PRKAG2: variants seen among roughly 807,000 people sequenced by gnomAD.
The protein encoded by PRKAG2 is protein kinase AMP-activated non-catalytic subunit gamma 2.
PRKAG2 carries 26 observed loss-of-function variants against 69.6 expected under a neutral mutation model. That is an observed-to-expected ratio of 0.37 (90% CI 0.27 to 0.52). The LOEUF (loss-of-function observed/expected upper bound fraction) is 0.52, where lower values mean the gene tolerates loss of function less well. Among genes scored for constraint, PRKAG2 ranks in the 20% least tolerant of loss-of-function variants. The probability of loss-of-function intolerance (pLI) is 0.90; values close to 1 mark genes in which losing one functional copy is unlikely to be tolerated. For synonymous variants in PRKAG2, 293 were observed against 285.0 expected, an observed-to-expected ratio of 1.03 and a Z score of -0.28; for missense variants, 557 against 740.0, an observed-to-expected ratio of 0.75 and a Z score of 2.87.
chr7:151,647,472 T>A (rs545014753), intron 4 of PRKAG2, among the ~76,000 whole-genome samples: 27 of 152,300 alleles, frequency 1.8e-4, no homozygotes, highest in Non-Finnish European at 2.9e-4. Context: ...GTAATTTAAA[T>A]AATAAAAAGC....
At chr7:151,725,423 G>A (rs1360722473) in intron 3 of PRKAG2, among the ~76,000 whole-genome samples, 1 of 152,084 alleles carries the variant, frequency 6.6e-6, no homozygotes, top group Non-Finnish European at 1.5e-5. Flanking sequence ...CAGAGTTTAA[G>A]TGCTTCAGGA....
In PRKAG2 at chr7:151,609,020, A is replaced by AT. The variant is rs563296313; in HGVS notation, c.755-13567dup. 3.0e-4 allele frequency among the ~76,000 whole-genome samples: 45 copies of AT among 152,186 alleles called. 3 individuals carry two copies. In the South Asian group the frequency reaches 9.1e-3, roughly 31 times the overall value. ...GGGACTATAGGCATACACCACTGCAATTTTTGTTTTTTTAAGTGAAACAGC... is the reference window on the plus strand; with the variant it reads ...GGGACTATAGGCATACACCACTGCAATTTTTTGTTTTTTTAAGTGAAACAGC... On this transcript the variant is annotated intron_variant, in intron 5 of 15. Coordinates refer to ENST00000287878, the MANE Select transcript of PRKAG2 (RefSeq NM_016203.4).
intron 4 of PRKAG2, among the ~76,000 whole-genome samples, chr7:151,659,751 G>C (rs1266446185): frequency 1.3e-5 from 2 of 152,202 alleles, no homozygotes; most frequent in Non-Finnish European, 2.9e-5. Context: ...CTAAGACAAA[G>C]GCTTTAGTTT....
chr7:151,737,555 G>T (rs892973623), intron 3 of PRKAG2, among the ~76,000 whole-genome samples: 5 of 152,156 alleles, frequency 3.3e-5, no homozygotes, highest in African/African-American at 7.2e-5. Context: ...TTTCTTCAGC[G>T]GAATTGTTAT....
chr7:151,644,631 G>T (rs997772536), intron 4 of PRKAG2, among the ~76,000 whole-genome samples: 1 of 152,160 alleles, frequency 6.6e-6, no homozygotes, highest in Non-Finnish European at 1.5e-5. Context: ...TGACCATTGG[G>T]AATAAAGCTG....
intron 4 of PRKAG2, among the ~76,000 whole-genome samples, chr7:151,658,482 C>CG (rs1829834756): frequency 9.5e-6 from 1 of 105,520 alleles, no homozygotes; most frequent in African/African-American, 3.3e-5. Context: ...AAGATTGTCG[C>CG]AAAAAAAAAA....
chr7:151,841,475 GTAA>G (rs1252675858), intron 1 of PRKAG2, among the ~76,000 whole-genome samples: 12 of 150,190 alleles, frequency 8.0e-5, no homozygotes, highest in African/African-American at 2.0e-4. Context: ...GTGATGGTAG[GTAA>G]TGATGATGGT....
At chr7:151,680,372 C>T (rs185261777) in intron 3 of PRKAG2, among the ~76,000 whole-genome samples, 3 of 152,150 alleles carry the variant, frequency 2.0e-5, no homozygotes, top group Non-Finnish European at 1.5e-5. Context: ...CCATTCCTGT[C>T]GGAACATGAC....
chr7:151,833,372 G>C (rs1010255971), intron 1 of PRKAG2, among the ~76,000 whole-genome samples: 18 of 152,246 alleles, frequency 1.2e-4, no homozygotes, highest in African/African-American at 4.3e-4. Context: ...AGCAGGACAG[G>C]GTGTGACGAA....
At chr7:151,715,952 T>C (rs1346053095) in intron 3 of PRKAG2, among the ~76,000 whole-genome samples, 1 of 152,162 alleles carries the variant, frequency 6.6e-6, no homozygotes, top group Admixed American at 6.5e-5. Flanking sequence ...GGCACTTTTA[T>C]ATATTTATAG....
In PRKAG2 at chr7:151,838,671, C is replaced by T. The variant is rs192195033; in HGVS notation, c.114+37836G>A. On this transcript the variant is annotated intron_variant, in intron 1 of 15. Transcript: ENST00000287878. ...GCAGTGAGCTGTGTTTGCTCCACTGCACTCCAGCCAGGGAGATAAAGCAAG... is the reference window on the plus strand; with the variant it reads ...GCAGTGAGCTGTGTTTGCTCCACTGTACTCCAGCCAGGGAGATAAAGCAAG... Among the ~76,000 whole-genome samples, 11 of 147,978 alleles carry T rather than the reference C, an allele frequency of 7.4e-5. No homozygotes were observed. In the East Asian group the frequency reaches 1.8e-3, roughly 24 times the overall value.
At chr7:151,853,023 A>G (rs1782510078) in intron 1 of PRKAG2, among the ~76,000 whole-genome samples, 1 of 152,214 alleles carries the variant, frequency 6.6e-6, no homozygotes, top group South Asian at 2.1e-4. Flanking sequence ...GCTGCCTTGA[A>G]TGGATTCCAA....
intron 5 of PRKAG2, among the ~76,000 whole-genome samples, chr7:151,627,288 C>A (rs558376524): frequency 3.3e-5 from 5 of 152,128 alleles, no homozygotes; most frequent in Admixed American, 6.5e-5. Flanking sequence ...CCTACTTTTA[C>A]CTATTTTGAT....
At position 151,807,285 on chromosome 7, in the gene PRKAG2, T is replaced by C; in HGVS notation, c.115-20744A>G. The C allele has an allele frequency of 5.0e-6, 2 of 401,176 alleles. No individual in the cohort carries two copies. Among genetic ancestry groups the C allele is most frequent in the Non-Finnish European group, 1.0e-5 (2 of 196,460 alleles). 24.9% of individuals were successfully genotyped at this position (401,176 alleles called of 1,614,324 possible). On this transcript the variant is annotated intron_variant, in intron 1 of 15. Coordinates refer to ENST00000287878, the MANE Select transcript of PRKAG2 (RefSeq NM_016203.4). The surrounding 1 kb of genome is among the most constrained non-coding windows in gnomAD (Gnocchi z 4.4). Reference sequence around the variant, plus strand: ...GTCAGCCACCAGCAGACCCATGGGATAGGGGAAGAAAAACAAGCAATCTAC... The same window carrying C: ...GTCAGCCACCAGCAGACCCATGGGACAGGGGAAGAAAAACAAGCAATCTAC...
At chr7:151,678,435 T>C (rs1240819116) in intron 3 of PRKAG2, among the ~76,000 whole-genome samples, 2 of 151,644 alleles carry the variant, frequency 1.3e-5, no homozygotes, top group Non-Finnish European at 2.9e-5. Flanking sequence ...CTGTGGAGAG[T>C]GGGGCGCATG....
chr7:151,586,131 A>G (rs1811605540), intron 6 of PRKAG2, among the ~76,000 whole-genome samples: 1 of 152,238 alleles, frequency 6.6e-6, no homozygotes, highest in Non-Finnish European at 1.5e-5. Context: ...ATCCAACACA[A>G]TTAGAAACCT....
chr7:151,834,699 C>A (rs1050500418), intron 1 of PRKAG2, among the ~76,000 whole-genome samples: 5 of 152,208 alleles, frequency 3.3e-5, no homozygotes, highest in African/African-American at 1.2e-4. Context: ...GAGGTTTAAG[C>A]CCCCACCCCA....
chr7:151,801,946 G>A (rs998033118), intron 1 of PRKAG2, among the ~76,000 whole-genome samples: 1 of 152,206 alleles, frequency 6.6e-6, no homozygotes, highest in African/African-American at 2.4e-5. Context: ...CTGTGAGCAG[G>A]GCCTGGTCAC....
intron 4 of PRKAG2, among the ~76,000 whole-genome samples, chr7:151,669,288 C>T (rs1831480350): frequency 6.6e-6 from 1 of 152,202 alleles, no homozygotes; most frequent in African/African-American, 2.4e-5. Flanking sequence ...TTCTTTATCC[C>T]TTAATCATCA....
Sources: gnomAD v4.1 joint callset for allele counts (sites outside exome capture counted in the v4.1 genomes callset) on GRCh38, gnomAD v4.1.1 for gene constraint, Gnocchi (gnomAD v3.1) non-coding constraint, MANE v1.5 for transcripts, NCBI Gene and HGNC (gene_info 2026-07-23, HGNC 2026-07-21) for gene names.